Variants in GRID2 observed in about 807,000 individuals in gnomAD.
GRID2 encodes the protein glutamate ionotropic receptor delta type subunit 2.
In GRID2, 33 loss-of-function variants were observed where a neutral mutation model predicts 114.8. That is an observed-to-expected ratio of 0.29 (90% CI 0.22 to 0.38). The LOEUF (loss-of-function observed/expected upper bound fraction) is 0.38. Ranked by LOEUF, GRID2 falls within the 10% of genes least tolerant of loss-of-function variation. The pLI is 1.00. For missense variants in GRID2, 1,184 were observed against 1,257.7 expected (o/e 0.94, Z 0.89); for synonymous variants, 505 against 449.9 (o/e 1.12, Z -1.55).
At chr4:93,399,857 G>A (rs1765708236) in intron 9 of GRID2, among the ~76,000 whole-genome samples, 1 of 152,110 alleles carries the variant, frequency 6.6e-6, no homozygotes, top group African/African-American at 2.4e-5. Flanking sequence ...TCAGGACACA[G>A]AGGAAGGCAG....
chr4:92,356,012 C>T (rs918460731), intron 1 of GRID2, among the ~76,000 whole-genome samples: 1 of 151,732 alleles, frequency 6.6e-6, no homozygotes, highest in African/African-American at 2.4e-5. Flanking sequence ...AATGGCATTT[C>T]ATTCATCCAT....
chr4:92,854,793 T>G (rs1230900855), intron 2 of GRID2, among the ~76,000 whole-genome samples: 1 of 151,892 alleles, frequency 6.6e-6, no homozygotes, highest in Admixed American at 6.6e-5. Context: ...ATAAAAAAAT[T>G]TAGAAAGGGG....
chr4:92,530,735 TAA>T (rs143078058), intron 1 of GRID2, among the ~76,000 whole-genome samples: 6 of 126,600 alleles, frequency 4.7e-5, no homozygotes, highest in Admixed American at 8.1e-5. Flanking sequence ...CCCCCTCTAC[TAA>T]AAAAAAAAAA....
intron 14 of GRID2, among the ~76,000 whole-genome samples, chr4:93,754,681 T>C (rs1732599999): frequency 6.6e-6 from 1 of 152,222 alleles, no homozygotes; most frequent in African/African-American, 2.4e-5. Context: ...CAAACATGGG[T>C]AAATTGCACT....
Position 93,205,100 on chromosome 4 carries a change from G to A in GRID2, c.736-2304G>A, listed in dbSNP as rs538384955. On this transcript the variant is annotated intron_variant, in intron 4 of 15. Transcript: ENST00000282020. ...TCTTTTTAATCTAATGGAGTCTCAC[G>A]TATTTTCTGTTACTTTTTATTGTTA... Among the ~76,000 whole-genome samples the A allele has an allele frequency of 9.9e-5, 15 of 151,808 alleles. No individual in the cohort carries two copies. In the South Asian group the frequency reaches 2.7e-3, roughly 27 times the overall value.
chr4:92,521,527 ATC>A (rs1375535432), intron 1 of GRID2, among the ~76,000 whole-genome samples: 1 of 151,992 alleles, frequency 6.6e-6, no homozygotes, highest in Non-Finnish European at 1.5e-5. Context: ...TATTGTCCTT[ATC>A]TCTGTTGCAT....
chr4:92,551,367 T>A (rs1217899240), intron 1 of GRID2, among the ~76,000 whole-genome samples: 1 of 152,168 alleles, frequency 6.6e-6, no homozygotes, highest in Non-Finnish European at 1.5e-5. Flanking sequence ...AGAAGTATTA[T>A]GTGCAAATGT....
At chr4:93,469,383 A>G (rs1257831206) in intron 11 of GRID2, among the ~76,000 whole-genome samples, 1 of 152,084 alleles carries the variant, frequency 6.6e-6, no homozygotes, top group Non-Finnish European at 1.5e-5. Flanking sequence ...CTTTCAGAGT[A>G]GAATTAAATA....
intron 2 of GRID2, among the ~76,000 whole-genome samples, chr4:92,970,628 GA>G (rs1297048975): frequency 6.6e-6 from 1 of 151,828 alleles, no homozygotes; most frequent in African/African-American, 2.4e-5. Flanking sequence ...TCAAAAATTT[GA>G]AAATCACTTT....
chr4:93,472,537 T>A (rs2149436543), intron 11 of GRID2, among the ~76,000 whole-genome samples: 1 of 152,144 alleles, frequency 6.6e-6, no homozygotes, highest in East Asian at 1.9e-4. Context: ...TTATCAGGAG[T>A]TTAAAAAGTA....
intron 4 of GRID2, among the ~76,000 whole-genome samples, chr4:93,206,857 T>A (rs565607093): frequency 8.7e-4 from 133 of 152,270 alleles, no homozygotes; most frequent in South Asian, 7.0e-3. Flanking sequence ...AACTTTCAGA[T>A]AATTTTAGAA....
At chr4:92,805,227 T>C (rs1483012439) in intron 2 of GRID2, among the ~76,000 whole-genome samples, 1 of 151,990 alleles carries the variant, frequency 6.6e-6, no homozygotes, top group Non-Finnish European at 1.5e-5. Flanking sequence ...CTGTGTGATT[T>C]TTTTGATACT....
chr4:93,527,279 A>G (rs1731005999), intron 13 of GRID2, among the ~76,000 whole-genome samples: 1 of 152,300 alleles, frequency 6.6e-6, no homozygotes, highest in Admixed American at 6.5e-5. Flanking sequence ...TTAAATATCC[A>G]TAACTCTATT....
intron 12 of GRID2, among the ~76,000 whole-genome samples, chr4:93,506,209 C>T (rs998523417): frequency 2.0e-5 from 3 of 152,142 alleles, no homozygotes; most frequent in Admixed American, 6.6e-5. Flanking sequence ...GACCATCTGA[C>T]TGTACCACAT....
At chr4:93,685,720 T>G (rs1350472571) in intron 14 of GRID2, among the ~76,000 whole-genome samples, 1 of 152,028 alleles carries the variant, frequency 6.6e-6, no homozygotes, top group African/African-American at 2.4e-5. Flanking sequence ...TCCCATCAAC[T>G]TTTCTCTACC....
chr4:92,614,132 C>T (rs1185923465), intron 2 of GRID2, among the ~76,000 whole-genome samples: 1 of 151,482 alleles, frequency 6.6e-6, no homozygotes, highest in African/African-American at 2.4e-5. Flanking sequence ...GGAACTTATT[C>T]ATTTTATCTA....
rs146635503 is a variant in GRID2 at position 93,649,028 on chromosome 4, T to C, written c.2360+22593T>C. Among the ~76,000 whole-genome samples, 634 of 152,306 alleles carry C rather than the reference T, an allele frequency of 4.2e-3. 7 individuals are homozygous for C. The highest frequency in any genetic ancestry group is 0.015 in the African/African-American group (608 of 41,574). On this transcript the variant is annotated intron_variant, in intron 14 of 15. Coordinates refer to ENST00000282020, the MANE Select transcript of GRID2 (RefSeq NM_001510.4). ...GTACTGAATCAATAAACCTAAATTA[T>C]ACAACAGACTAACATTCTAATTTCT... is the stretch of plus-strand genomic sequence containing the variant.
intron 1 of GRID2, among the ~76,000 whole-genome samples, chr4:92,335,485 G>T (rs1302003616): frequency 2.0e-5 from 3 of 152,136 alleles, no homozygotes; most frequent in African/African-American, 7.2e-5. Flanking sequence ...CTTTCAGTCT[G>T]ACTTTGGGGA....
intron 2 of GRID2, among the ~76,000 whole-genome samples, chr4:92,647,433 C>T (rs1731708803): frequency 7.4e-6 from 1 of 134,834 alleles, no homozygotes; most frequent in African/African-American, 2.9e-5. Flanking sequence ...TAAACCTTAT[C>T]CAACCATAGG....
Sources: gnomAD v4.1 joint callset for allele counts (sites outside exome capture counted in the v4.1 genomes callset) on GRCh38, gnomAD v4.1.1 for gene constraint, MANE v1.5 for transcripts, NCBI Gene and HGNC (gene_info 2026-07-23, HGNC 2026-07-21) for gene names.